STEAP1B: variants seen among roughly 807,000 people sequenced by gnomAD.
The protein encoded by STEAP1B is STEAP family protein MGC87042.
In STEAP1B, 13 loss-of-function variants were observed where a neutral mutation model predicts 27.9. That is an observed-to-expected ratio of 0.47 (90% CI 0.30 to 0.74). The LOEUF is 0.74. Among genes scored for constraint, STEAP1B ranks in the 30% least tolerant of loss-of-function variants. The pLI, the probability that STEAP1B is intolerant of heterozygous loss-of-function variation, is 0.06. For missense variants in STEAP1B, 250 were observed against 298.7 expected (o/e 0.84, Z 1.20); for synonymous variants, 86 against 107.1 (o/e 0.80, Z 1.22).
At chr7:22,474,183 T>C (rs149842006) in intron 4 of STEAP1B, among the ~76,000 whole-genome samples, 104 of 152,334 alleles carry the variant, frequency 6.8e-4, no homozygotes, top group African/African-American at 2.4e-3. Flanking sequence ...TACCTATATA[T>C]TTACATTCAA....
chr7:22,420,313 T>C (rs954210991), intron 4 of STEAP1B, among the ~76,000 whole-genome samples: 1 of 152,182 alleles, frequency 6.6e-6, no homozygotes, highest in Non-Finnish European at 1.5e-5. Context: ...TAGAACCAGA[T>C]GGTGTCCTCC....
intron 4 of STEAP1B, among the ~76,000 whole-genome samples, chr7:22,468,376 C>CA (rs574263734): frequency 2.6e-5 from 4 of 152,008 alleles, no homozygotes; most frequent in South Asian, 4.2e-4. Flanking sequence ...GTAGTTTTCC[C>CA]AAAAAATCTG....
chr7:22,424,692 T>A (rs1785084449), intron 4 of STEAP1B, among the ~76,000 whole-genome samples: 1 of 152,170 alleles, frequency 6.6e-6, no homozygotes, highest in Admixed American at 6.5e-5. Flanking sequence ...TGTACAGAGA[T>A]GTTCAATTGA....
At chr7:22,434,352 C>T (rs1170310719) in intron 4 of STEAP1B, among the ~76,000 whole-genome samples, 2 of 152,196 alleles carry the variant, frequency 1.3e-5, no homozygotes, top group Non-Finnish European at 2.9e-5. Flanking sequence ...AGTGTCACAT[C>T]GCCCCCAGAG....
At chr7:22,470,165 T>C (rs1785856179) in intron 4 of STEAP1B, among the ~76,000 whole-genome samples, 1 of 152,158 alleles carries the variant, frequency 6.6e-6, no homozygotes, top group Admixed American at 6.5e-5. Flanking sequence ...ATTCTAGGGC[T>C]GGGGCAGAGA....
At chr7:22,454,629 T>A (rs3114720) in intron 4 of STEAP1B, among the ~76,000 whole-genome samples, 59,595 of 151,374 alleles carry the variant, frequency 0.39, 11,803 homozygotes, top group South Asian at 0.48. Context: ...ATGCTGCAGT[T>A]GCTGGAGAAG....
At chr7:22,432,503 G>C (rs546831668) in intron 4 of STEAP1B, among the ~76,000 whole-genome samples, 163 of 152,254 alleles carry the variant, frequency 1.1e-3, no homozygotes, top group African/African-American at 3.9e-3. Context: ...TTGAGCCCTG[G>C]AGGCAGAGGT....
chr7:22,463,526 G>A (rs1426135760), intron 4 of STEAP1B, among the ~76,000 whole-genome samples: 1 of 152,152 alleles, frequency 6.6e-6, no homozygotes, highest in Non-Finnish European at 1.5e-5. Context: ...GAACAAAGCG[G>A]GAGGCATCAC....
At chr7:22,453,143 G>A (rs778798482) in intron 4 of STEAP1B, among the ~76,000 whole-genome samples, 1 of 152,090 alleles carries the variant, frequency 6.6e-6, no homozygotes, top group African/African-American at 2.4e-5. Flanking sequence ...AACCAACTGC[G>A]ACAGGATTTT....
chr7:22,440,535 T>C (rs1200412977), intron 4 of STEAP1B, among the ~76,000 whole-genome samples: 1 of 152,150 alleles, frequency 6.6e-6, no homozygotes, highest in Non-Finnish European at 1.5e-5. Flanking sequence ...AATGTTAAAA[T>C]TGAGAATACT....
intron 4 of STEAP1B, among the ~76,000 whole-genome samples, chr7:22,478,127 T>A (rs1221151026): frequency 6.6e-6 from 1 of 152,214 alleles, no homozygotes; most frequent in African/African-American, 2.4e-5. Context: ...AGGTCCCTGC[T>A]GAGGCACCAA....
chr7:22,419,885 T>A, intron 4 of STEAP1B, 49 bp from the exon 5 acceptor site: 1 of 1,523,872 alleles, frequency 6.6e-7, no homozygotes, highest in Non-Finnish European at 8.8e-7. Flanking sequence ...GTAGTGACTA[T>A]CACTATATTA....
intron 4 of STEAP1B, among the ~76,000 whole-genome samples, chr7:22,467,510 A>G (rs927903717): frequency 6.6e-6 from 1 of 152,156 alleles, no homozygotes; most frequent in Non-Finnish European, 1.5e-5. Flanking sequence ...CTCATCTCAA[A>G]TTGTAGCTCC....
chr7:22,419,981 A>G, intron 4 of STEAP1B, 145 bp from the exon 5 acceptor site: 2 of 966,236 alleles, frequency 2.1e-6, no homozygotes, highest in Non-Finnish European at 1.5e-6. Flanking sequence ...GGGCAAAGCT[A>G]GGCCTAGAAT....
chr7:22,482,031 T>C (rs1786083970), intron 4 of STEAP1B, among the ~76,000 whole-genome samples: 1 of 152,208 alleles, frequency 6.6e-6, no homozygotes, highest in African/African-American at 2.4e-5. Context: ...CTCTGGAAAC[T>C]GACTGCTCCC....
At chr7:22,428,341 A>C in intron 4 of STEAP1B, among the ~76,000 whole-genome samples, 1 of 152,222 alleles carries the variant, frequency 6.6e-6, no homozygotes. Flanking sequence ...TGATTTGAGG[A>C]CAGAAAACTT....
rs78245470 is a variant in STEAP1B, at chr7:22,420,010, C to G, written c.763-174G>C. Among the ~76,000 whole-genome samples the G allele has an allele frequency of 2.5e-3, 377 of 152,248 alleles. 11 individuals are homozygous for G. In the East Asian group the frequency reaches 0.05, roughly 20 times the overall value. ...CTAGAATTCTGGCGTGGTCTTTCCT[C>G]GGGCCTAGAATTCCGGTGTGGTCTT... is the stretch of plus-strand genomic sequence containing the variant. On this transcript the variant is annotated intron_variant, in intron 4 of 4. Coordinates refer to ENST00000678116, the MANE Select transcript of STEAP1B (RefSeq NM_001382447.1).
At chr7:22,479,679 C>CTTT (rs569050091) in intron 4 of STEAP1B, among the ~76,000 whole-genome samples, 15,010 of 91,996 alleles carry the variant, frequency 0.16, 2,110 homozygotes, top group Middle Eastern at 0.21. Context: ...TCATGTGTGG[C>CTTT]TTTTTTTTTT....
At position 22,452,419 on chromosome 7, in the gene STEAP1B, TC is replaced by T. The variant is rs35443406; in HGVS notation, c.763-32584del. Among the ~76,000 whole-genome samples the T allele has an allele frequency of 1.2e-4, 18 of 144,500 alleles. 1 individual carries two copies. Among genetic ancestry groups the T allele is most frequent in the South Asian group, 4.5e-4 (2 of 4,470 alleles). The allele number at this position is 144,500 out of a possible 152,430, so 94.8% of individuals were successfully genotyped here. On this transcript the variant is annotated intron_variant, in intron 4 of 4. Coordinates refer to ENST00000678116, the MANE Select transcript of STEAP1B (RefSeq NM_001382447.1). The stretch of plus-strand genomic sequence containing the variant: ...TGCAGCGCCCTCTATTGGCAGACAA[TC>T]CCCCCCCTCCCCGCGCCATACACCA...
Sources: allele counts gnomAD v4.1 joint callset (sites outside exome capture counted in the v4.1 genomes callset), GRCh38; gene constraint gnomAD v4.1.1; transcripts MANE v1.5; gene names NCBI Gene and HGNC (gene_info 2026-07-23, HGNC 2026-07-21).